SLC15A1: variants seen among roughly 807,000 people sequenced by gnomAD.
The protein encoded by SLC15A1 is Caco-2 oligopeptide transporter.
A neutral mutation model predicts 92.9 loss-of-function variants in SLC15A1; 83 were observed. That is an observed-to-expected ratio of 0.89 (90% CI 0.75 to 1.07). The LOEUF is 1.07. Ranked by LOEUF, SLC15A1 falls within the 50% of genes least tolerant of loss-of-function variation. The pLI is 0.00. For missense variants in SLC15A1, 857 were observed against 880.1 expected (o/e 0.97, Z 0.33); for synonymous variants, 322 against 318.2 (o/e 1.01, Z -0.13).
chr13:98,686,595 GCCACC>G (rs2087931360), intron 21 of SLC15A1, among the ~76,000 whole-genome samples: 1 of 152,312 alleles, frequency 6.6e-6, no homozygotes, highest in South Asian at 2.1e-4. Flanking sequence ...TCCAAGCAAA[GCCACC>G]CAGCCTGGCA....
Position 98,721,846 on chromosome 13 carries a change from G to T in SLC15A1, c.423C>A (p.Pro141=). 1 of 1,614,136 alleles carries T rather than the reference G, an allele frequency of 6.2e-7. No homozygotes were observed. Among genetic ancestry groups the T allele is most frequent in the Non-Finnish European group, 8.5e-7 (1 of 1,180,038 alleles). ...GATCTCCACCAAACGCAGACACACA[G>T]GGTTTGATTCCTCCAGTCCCGAGAG... ...LIALGTGGIK[P]CVSAFGGDQF... The change falls in exon 6 of 23, where the codon CCC becomes CCA. Residue 141 remains proline, a synonymous_variant. Transcript: ENST00000376503.
rs757587023 is a variant in SLC15A1, at chr13:98,721,894, G to C, written c.375C>G (p.Ser125=). The C allele has an allele frequency of 1.2e-6, 2 of 1,612,970 alleles. No homozygotes were observed. Among genetic ancestry groups the C allele is most frequent in the East Asian group, 4.5e-5 (2 of 44,850 alleles). ...PDSLPVHVVL[S]LIGLALIALG... ...GAGCTATCAGGGCCAGGCCGATCAA[G>C]GACAGCACCCTGGGAAAGACAGGGT... Residue 125 remains serine (S), a synonymous_variant, in exon 6 of 23, where the codon TCC becomes TCG. Transcript: ENST00000376503.
At chr13:98,709,807 A>T in intron 12 of SLC15A1, 33 bp from the exon 13 acceptor site, 2 of 1,614,202 alleles carry the variant, frequency 1.2e-6, no homozygotes, top group Non-Finnish European at 1.7e-6. Context: ...TCAGTGAAAA[A>T]TGTCATGAAA....
At chr13:98,745,569 A>C (rs1193326069) in intron 1 of SLC15A1, among the ~76,000 whole-genome samples, 1 of 152,154 alleles carries the variant, frequency 6.6e-6, no homozygotes, top group Admixed American at 6.5e-5. Flanking sequence ...ACAGAGACAG[A>C]TGGGCTGGCA....
chr13:98,726,322 C>G, intron 3 of SLC15A1, 46 bp downstream of exon 3: 1 of 1,613,842 alleles, frequency 6.2e-7, no homozygotes, highest in Non-Finnish European at 8.5e-7. Context: ...TGGTTATGGC[C>G]ACTCCCGCTC....
intron 18 of SLC15A1, among the ~76,000 whole-genome samples, chr13:98,693,086 C>CG (rs2087994053): frequency 2.7e-5 from 3 of 111,854 alleles, no homozygotes; most frequent in East Asian, 2.4e-4. Context: ...TTATTGTCTA[C>CG]GTTTTTTTTT....
At chr13:98,721,440 G>A (rs751135431) in intron 7 of SLC15A1, 55 bp downstream of exon 7, 22 of 1,188,516 alleles carry the variant, frequency 1.9e-5, no homozygotes, top group Non-Finnish European at 2.6e-5. Context: ...AAGAAGACAC[G>A]GACTTGGCCT....
chr13:98,748,181 T>C (rs1594014115), intron 1 of SLC15A1, among the ~76,000 whole-genome samples: 2 of 152,214 alleles, frequency 1.3e-5, no homozygotes, highest in Non-Finnish European at 2.9e-5. Flanking sequence ...TATCCTCACA[T>C]GGTTAAGTAA....
chr13:98,735,684 C>T (rs961428184), intron 1 of SLC15A1, among the ~76,000 whole-genome samples: 30 of 152,206 alleles, frequency 2.0e-4, no homozygotes, highest in South Asian at 2.1e-4. Flanking sequence ...ACAAGCATTC[C>T]TATACACCAA....
intron 1 of SLC15A1, among the ~76,000 whole-genome samples, chr13:98,731,422 A>C (rs922725768): frequency 6.6e-6 from 1 of 152,250 alleles, no homozygotes; most frequent in African/African-American, 2.4e-5. Flanking sequence ...GGACACGGCA[A>C]CAGCACGTTA....
At chr13:98,703,114 T>A (rs2088082647) in intron 17 of SLC15A1, among the ~76,000 whole-genome samples, 1 of 144,642 alleles carries the variant, frequency 6.9e-6, no homozygotes, top group Non-Finnish European at 1.5e-5. Flanking sequence ...TGAGATCCTG[T>A]TGAAAGTGAA....
At chr13:98,718,715 A>C (rs1222708157) in intron 8 of SLC15A1, among the ~76,000 whole-genome samples, 1 of 152,186 alleles carries the variant, frequency 6.6e-6, no homozygotes, top group Non-Finnish European at 1.5e-5. Flanking sequence ...AGGCAGAGCC[A>C]GGAGAATCGC....
chr13:98,711,810 A>T, intron 11 of SLC15A1, 44 bp downstream of exon 11: 2 of 1,451,668 alleles, frequency 1.4e-6, no homozygotes, highest in Non-Finnish European at 1.9e-6. Context: ...TGCGGGATGT[A>T]CGCTTGCTCC....
chr13:98,730,479 G>A (rs1010228477), intron 1 of SLC15A1, among the ~76,000 whole-genome samples: 4 of 152,190 alleles, frequency 2.6e-5, no homozygotes, highest in Non-Finnish European at 4.4e-5. Flanking sequence ...GCTGCTTCCA[G>A]GGCAATACAC....
At chr13:98,706,595 C>T (rs1370039732) in intron 15 of SLC15A1, among the ~76,000 whole-genome samples, 2 of 152,166 alleles carry the variant, frequency 1.3e-5, no homozygotes. Flanking sequence ...GTGAGTAAGA[C>T]TCACAAGATC....
intron 18 of SLC15A1, among the ~76,000 whole-genome samples, chr13:98,697,376 C>A (rs1297190931): frequency 6.6e-6 from 1 of 152,074 alleles, no homozygotes; most frequent in East Asian, 1.9e-4. Context: ...TTTCTATGTA[C>A]ATAAGCTACT....
intron 1 of SLC15A1, among the ~76,000 whole-genome samples, chr13:98,749,681 C>T (rs1437377209): frequency 6.6e-6 from 1 of 152,204 alleles, no homozygotes; most frequent in African/African-American, 2.4e-5. Context: ...CTCTCCACCC[C>T]AGGCTCTGAG....
At chr13:98,718,532 A>G (rs1366333368) in intron 8 of SLC15A1, among the ~76,000 whole-genome samples, 1 of 151,920 alleles carries the variant, frequency 6.6e-6, no homozygotes, top group Non-Finnish European at 1.5e-5. Flanking sequence ...CAACAAAAAA[A>G]CCAGCTAGGT....
chr13:98,723,869 CA>C, intron 5 of SLC15A1, 42 bp downstream of exon 5: 1 of 1,611,300 alleles, frequency 6.2e-7, no homozygotes, highest in Non-Finnish European at 8.5e-7. Context: ...CAAATGCGCA[CA>C]AGGTGGGAGG....
Sources: allele counts gnomAD v4.1 joint callset (sites outside exome capture counted in the v4.1 genomes callset), GRCh38; gene constraint gnomAD v4.1.1; transcripts MANE v1.5; gene names NCBI Gene and HGNC (gene_info 2026-07-23, HGNC 2026-07-21).